Variants in RABL2A observed in about 807,000 individuals in gnomAD.
RABL2A encodes the protein rab-like protein 2A.
RABL2A carries 17 observed loss-of-function variants against 30.7 expected under a neutral mutation model. That is an observed-to-expected ratio of 0.55 (90% CI 0.38 to 0.83). The LOEUF (loss-of-function observed/expected upper bound fraction) is 0.83. RABL2A is among the 40% of genes least tolerant of loss of function. RABL2A has a pLI of 0.00. For synonymous variants in RABL2A, 64 were observed against 101.8 expected, an observed-to-expected ratio of 0.63 and a Z score of 2.24; for missense variants, 155 against 272.6, an observed-to-expected ratio of 0.57 and a Z score of 3.04.
At chr2:113,634,798 G>C (rs1319961944) in intron 4 of RABL2A, among the ~76,000 whole-genome samples, 1 of 152,118 alleles carries the variant, frequency 6.6e-6, no homozygotes, top group Non-Finnish European at 1.5e-5. Flanking sequence ...TGGGCTTCCA[G>C]TGTGTTGTCC....
At chr2:113,632,486 A>G (rs1680759315) in intron 2 of RABL2A, among the ~76,000 whole-genome samples, 1 of 152,232 alleles carries the variant, frequency 6.6e-6, no homozygotes, top group African/African-American at 2.4e-5. Context: ...TAGTGGAGAC[A>G]AGGGCTTCAC....
In RABL2A at chr2:113,634,134, C is replaced by G. The variant is rs749707101; in HGVS notation, c.138-19C>G. ...CTTACCTCCCCTTTTATTGATTTTGCTCCTTAACCTGAGTGCAGTCAGCCA... is the reference window on the plus strand; with the variant it reads ...CTTACCTCCCCTTTTATTGATTTTGGTCCTTAACCTGAGTGCAGTCAGCCA... On this transcript the variant is annotated intron_variant, in intron 3 of 8. Transcript: ENST00000683472. The G allele has an allele frequency of 6.2e-7, 1 of 1,600,906 alleles. No homozygotes were observed. The highest frequency in any genetic ancestry group is 8.5e-7 in the Non-Finnish European group (1 of 1,173,684).
rs373140977 is a variant in RABL2A, at chr2:113,636,337, A to G, written c.297+1207A>G. On this transcript the variant is annotated intron_variant, in intron 5 of 8. Coordinates refer to ENST00000683472, the MANE Select transcript of RABL2A (RefSeq NM_001306158.2). ...ATCCATGTCTGAAGTCTCAGCTAAG[A>G]AGACTCCAAGGCTGGGTTCCAGGCT... 1.8e-4 allele frequency among the ~76,000 whole-genome samples: 28 copies of G among 151,964 alleles called. No individual in the cohort carries two copies. The East Asian group carries it at 5.4e-3, about 29-fold the overall frequency.
At chr2:113,636,350 T>C (rs1364252926) in intron 5 of RABL2A, among the ~76,000 whole-genome samples, 1 of 150,154 alleles carries the variant, frequency 6.7e-6, no homozygotes, top group Admixed American at 6.7e-5. Flanking sequence ...ACTCCAAGGC[T>C]GGGTTCCAGG....
intron 3 of RABL2A, 82 bp downstream of exon 3, chr2:113,633,026 T>C: frequency 1.2e-6 from 2 of 1,604,844 alleles, no homozygotes; most frequent in Non-Finnish European, 1.7e-6. Context: ...CCCACCCCTT[T>C]GTACCAGCAG....
chr2:113,636,549 G>A (rs1392986466), intron 5 of RABL2A, among the ~76,000 whole-genome samples: 1 of 152,020 alleles, frequency 6.6e-6, no homozygotes, highest in East Asian at 1.9e-4. Flanking sequence ...TCCTTTTATG[G>A]CCTAGCCCTG....
intron 5 of RABL2A, chr2:113,640,480 A>G (rs1684713078): frequency 7.3e-6 from 2 of 274,886 alleles, no homozygotes; most frequent in Non-Finnish European, 1.4e-5. Context: ...AGTTCAAGCA[A>G]TTCTCCTGCC....
chr2:113,635,239 G>C, intron 5 of RABL2A, 109 bp downstream of exon 5: 1 of 1,090,756 alleles, frequency 9.2e-7, no homozygotes, highest in South Asian at 1.3e-5. Flanking sequence ...TTGTGGGAGG[G>C]GGGCTTAGGG....
intron 5 of RABL2A, chr2:113,638,008 G>C (rs1249177971): frequency 2.0e-6 from 2 of 985,330 alleles, no homozygotes; most frequent in Non-Finnish European, 2.4e-6. Context: ...ACCAGGGCTC[G>C]ACCCTCCACC....
Position 113,642,927 on chromosome 2 carries a change from C to T in RABL2A, c.*798C>T, listed in dbSNP as rs793065. 0.21 allele frequency: 66,462 copies of T among 321,306 alleles called. 9,287 individuals carry two copies. The highest frequency in any genetic ancestry group is 0.47 in the African/African-American group (20,399 of 43,828). 19.9% of individuals were successfully genotyped at this position (321,306 alleles called of 1,614,324 possible). A position where few individuals can be genotyped will look rare whatever the true frequency, so the allele number is the denominator to read the frequency against. ...AGGCATGAGCCACCGCGCCCGGCCC[C>T]AATCATCTGTTTTTAAACAATCGTT... is the stretch of plus-strand genomic sequence containing the variant. On this transcript the variant is annotated 3_prime_UTR_variant, in exon 9 of 9. Coordinates refer to ENST00000683472, the MANE Select transcript of RABL2A (RefSeq NM_001306158.2).
Position 113,642,731 on chromosome 2 carries a change from C to A in RABL2A, c.*602C>A, listed in dbSNP as rs1293172706. The stretch of plus-strand genomic sequence containing the variant: ...TCTCGGCTCGCTGCAACCTCTGACT[C>A]CCTGGTTCAAACGATTCTCCTGCCT... On this transcript the variant is annotated 3_prime_UTR_variant, in exon 9 of 9. Coordinates refer to ENST00000683472, the MANE Select transcript of RABL2A (RefSeq NM_001306158.2). The A allele has an allele frequency of 2.1e-5, 4 of 192,756 alleles. No homozygotes were observed. The highest frequency in any genetic ancestry group is 4.3e-5 in the Non-Finnish European group (4 of 92,506). The allele number at this position is 192,756 out of a possible 1,614,324, so 11.9% of individuals were successfully genotyped here. A position where few individuals can be genotyped will look rare whatever the true frequency, so the allele number is the denominator to read the frequency against.
At position 113,642,500 on chromosome 2, in the gene RABL2A, C is replaced by T; in HGVS notation, c.*371C>T. 3.2e-6 allele frequency: 1 copy of T among 315,842 alleles called. No individual in the cohort carries two copies. 19.6% of individuals were successfully genotyped at this position (315,842 alleles called of 1,614,324 possible). ...TTTTGTTTTTGTTTTCTTTCCAAAG[C>T]TCACCTCGGGGACAATTCCTTGGGC... On this transcript the variant is annotated 3_prime_UTR_variant, in exon 9 of 9. Coordinates refer to ENST00000683472, the MANE Select transcript of RABL2A (RefSeq NM_001306158.2).
intron 2 of RABL2A, among the ~76,000 whole-genome samples, chr2:113,632,401 T>G (rs1277881976): frequency 4.6e-5 from 7 of 152,210 alleles, no homozygotes; most frequent in African/African-American, 1.7e-4. Context: ...ATTAAGCAGA[T>G]TCTCCTGTCT....
In RABL2A at chr2:113,643,043, G is replaced by C. The variant is rs1395376571; in HGVS notation, c.*914G>C. 2.4e-6 allele frequency: 1 copy of C among 418,334 alleles called. No homozygotes were observed. The highest frequency in any genetic ancestry group is 4.7e-6 in the Non-Finnish European group (1 of 213,230). 25.9% of individuals were successfully genotyped at this position (418,334 alleles called of 1,614,324 possible). On this transcript the variant is annotated 3_prime_UTR_variant, in exon 9 of 9. Coordinates refer to ENST00000683472, the MANE Select transcript of RABL2A (RefSeq NM_001306158.2). ...TAAAGCTGAGATCACAGGAACAGCA[G>C]GTGACAGGCCTAGCTATAGTTAGGA...
Position 113,639,004 on chromosome 2 carries a change from C to T in RABL2A, c.298-1890C>T, listed in dbSNP as rs928543634. On this transcript the variant is annotated intron_variant, in intron 5 of 8. Transcript: ENST00000683472. ...TTACTTTAAAAAAATTTAAAGAGGC[C>T]GGGCACAGTGGCTTATGCCTGTAAT... 5.4e-4 allele frequency among the ~76,000 whole-genome samples: 82 copies of T among 152,190 alleles called. 1 individual carries two copies. The highest frequency in any genetic ancestry group is 7.4e-4 in the Non-Finnish European group (50 of 68,014).
At chr2:113,638,387 T>C (rs2104766815) in intron 5 of RABL2A, 2 of 985,420 alleles carry the variant, frequency 2.0e-6, no homozygotes, top group South Asian at 9.4e-5. Context: ...TGCCAGCAGT[T>C]ACAGGGTGGT....
intron 5 of RABL2A, chr2:113,640,201 A>G (rs1170149004): frequency 1.3e-5 from 2 of 152,554 alleles, no homozygotes; most frequent in African/African-American, 4.8e-5. Flanking sequence ...AGAAACATTT[A>G]CAGTTACTAC....
intron 2 of RABL2A, among the ~76,000 whole-genome samples, chr2:113,630,595 C>T (rs556935746): frequency 2.6e-5 from 4 of 151,888 alleles, no homozygotes; most frequent in South Asian, 4.2e-4. Flanking sequence ...AAATTTACCA[C>T]GGTAGCAGCC....
In RABL2A at chr2:113,641,244, C is replaced by G. The variant is rs868737427; in HGVS notation, c.410-109C>G. The stretch of plus-strand genomic sequence containing the variant: ...CTGAGCTCTTTCTAGGACATGTTTC[C>G]CAATCATCCCTGCCTATCCCACTTT... On this transcript the variant is annotated intron_variant, in intron 6 of 8. Transcript: ENST00000683472. The G allele has an allele frequency of 1.8e-4, 280 of 1,556,424 alleles. No homozygotes were observed. The Middle Eastern group carries it at 8.5e-3, about 47-fold the overall frequency.
Sources: gnomAD v4.1 joint callset for allele counts (sites outside exome capture counted in the v4.1 genomes callset) on GRCh38, gnomAD v4.1.1 for gene constraint, MANE v1.5 for transcripts, NCBI Gene and HGNC (gene_info 2026-07-23, HGNC 2026-07-21) for gene names.